Variants in MME observed in about 807,000 individuals in gnomAD.
MME encodes membrane metalloendopeptidase.
Under a neutral mutation model 113.2 loss-of-function variants are expected in MME, and 98 were observed. That is an observed-to-expected ratio of 0.87 (90% CI 0.74 to 1.02). MME has a LOEUF of 1.02. Ranked by LOEUF, MME falls within the 50% of genes least tolerant of loss-of-function variation. MME has a pLI of 0.00. For missense variants in MME, 836 were observed against 896.0 expected (o/e 0.93, Z 0.86); for synonymous variants, 292 against 300.6 (o/e 0.97, Z 0.30).
chr3:155,137,246 C>T (rs1186857342), intron 8 of MME, among the ~76,000 whole-genome samples: 1 of 152,066 alleles, frequency 6.6e-6, no homozygotes, highest in African/African-American at 2.4e-5. Context: ...TAACTAAAAC[C>T]TACAGGTGTG....
intron 3 of MME, among the ~76,000 whole-genome samples, chr3:155,086,121 C>T (rs1241565644): frequency 6.6e-6 from 1 of 152,050 alleles, no homozygotes. Flanking sequence ...CAGGTGGGGG[C>T]TGCTTCTGTA....
At chr3:155,127,287 G>T (rs1009093761) in intron 8 of MME, among the ~76,000 whole-genome samples, 1 of 152,070 alleles carries the variant, frequency 6.6e-6, no homozygotes, top group Non-Finnish European at 1.5e-5. Context: ...TCTGGGAGCC[G>T]GCTTTCTTTG....
At chr3:155,052,518 G>A (rs1713796430) in intron 1 of MME, among the ~76,000 whole-genome samples, 1 of 152,236 alleles carries the variant, frequency 6.6e-6, no homozygotes, top group South Asian at 2.1e-4. Flanking sequence ...AAGGCTTGGG[G>A]CTTACACCCT....
At chr3:155,085,151 T>A in intron 3 of MME, 57 bp downstream of exon 3, 1 of 1,108,672 alleles carries the variant, frequency 9.0e-7, no homozygotes, top group Non-Finnish European at 1.3e-6. Flanking sequence ...TATTTAAAAT[T>A]AAATGCTAAT....
chr3:155,031,574 A>G (rs1712972863), intron 1 of MME, among the ~76,000 whole-genome samples: 1 of 152,218 alleles, frequency 6.6e-6, no homozygotes, highest in African/African-American at 2.4e-5. Flanking sequence ...AATGTCTTTT[A>G]GAAGCTTCTA....
intron 20 of MME, among the ~76,000 whole-genome samples, chr3:155,171,764 C>A (rs1482412418): frequency 6.6e-6 from 1 of 152,130 alleles, no homozygotes; most frequent in South Asian, 2.1e-4. Flanking sequence ...ACTTCCTTGG[C>A]AATTCATTTG....
At chr3:155,091,761 A>G (rs778530896) in intron 3 of MME, among the ~76,000 whole-genome samples, 3 of 152,218 alleles carry the variant, frequency 2.0e-5, no homozygotes, top group Admixed American at 6.5e-5. Flanking sequence ...TTAAAAAACC[A>G]TAAGGAGAAT....
At chr3:155,109,246 G>A (rs755153620) in intron 3 of MME, among the ~76,000 whole-genome samples, 1 of 152,148 alleles carries the variant, frequency 6.6e-6, no homozygotes, top group Non-Finnish European at 1.5e-5. Flanking sequence ...TTTACCTATA[G>A]GCACAAGAGC....
intron 1 of MME, among the ~76,000 whole-genome samples, chr3:155,054,833 C>CAAACA (rs1405052376): frequency 6.6e-6 from 1 of 152,086 alleles, no homozygotes; most frequent in Non-Finnish European, 1.5e-5. Flanking sequence ...CCAAAACAAG[C>CAAACA]AAACAAAACA....
chr3:155,144,408 A>T lies in MME; in HGVS notation c.1367A>T (p.Asp456Val). The T allele has an allele frequency of 6.2e-7, 1 of 1,613,324 alleles. No homozygotes were observed. Residue 456 changes from aspartate to valine, a missense_variant, in exon 14 of 23, where the codon GAT (aspartate) becomes GTT (valine). Transcript: ENST00000360490. ...CGAGAAGTTTTTATTCAGACTTTAG[A>T]TGACCTCACTTGGATGGATGCCGAG... is the stretch of plus-strand genomic sequence containing the variant. The part of the protein sequence containing the change: ...QIREVFIQTL[D>V]DLTWMDAETK...
At chr3:155,045,238 T>C (rs574988998) in intron 1 of MME, among the ~76,000 whole-genome samples, 27 of 151,958 alleles carry the variant, frequency 1.8e-4, no homozygotes, top group African/African-American at 6.5e-4. Flanking sequence ...GCAATCTCTG[T>C]CTCCTGGGTT....
intron 3 of MME, among the ~76,000 whole-genome samples, chr3:155,093,595 C>G (rs762101840): frequency 6.6e-6 from 1 of 152,098 alleles, no homozygotes; most frequent in Non-Finnish European, 1.5e-5. Context: ...TTTTGGCTCA[C>G]GTCTATAATC....
chr3:155,050,830 TTTAA>T (rs140967621), intron 1 of MME, among the ~76,000 whole-genome samples: 8,040 of 152,230 alleles, frequency 0.053, 609 homozygotes, highest in African/African-American at 0.17. Flanking sequence ...AGCTCTTTAG[TTTAA>T]TTCAATCCCA....
At chr3:155,153,341 T>A (rs972408355) in intron 16 of MME, among the ~76,000 whole-genome samples, 20 of 152,192 alleles carry the variant, frequency 1.3e-4, no homozygotes, top group African/African-American at 3.9e-4. Flanking sequence ...ATGCCTAGTA[T>A]GTGTTTCCAA....
chr3:155,083,996 A>G (rs1715412715), intron 1 of MME, 162 bp from the exon 2 acceptor site: 1 of 642,690 alleles, frequency 1.6e-6, no homozygotes, highest in Non-Finnish European at 2.7e-6. Context: ...TTGGCTCTAT[A>G]TACTTTGCAT....
intron 3 of MME, among the ~76,000 whole-genome samples, chr3:155,104,523 C>A (rs1314774898): frequency 6.6e-6 from 1 of 152,168 alleles, no homozygotes; most frequent in African/African-American, 2.4e-5. Flanking sequence ...TCTTTTTGTA[C>A]CACTCCCTAA....
intron 1 of MME, among the ~76,000 whole-genome samples, chr3:155,046,410 G>A (rs768291579): frequency 7.9e-5 from 12 of 152,238 alleles, no homozygotes; most frequent in East Asian, 1.9e-4. Context: ...ATTGCTGGCC[G>A]GGAGTGATGG....
At chr3:155,104,197 A>G (rs1235286398) in intron 3 of MME, among the ~76,000 whole-genome samples, 2 of 152,170 alleles carry the variant, frequency 1.3e-5, no homozygotes, top group Admixed American at 6.5e-5. Flanking sequence ...AGTGTCGGGT[A>G]TATAGAGGCC....
At chr3:155,031,340 A>G (rs1353951238) in intron 1 of MME, among the ~76,000 whole-genome samples, 1 of 152,124 alleles carries the variant, frequency 6.6e-6, no homozygotes, top group Non-Finnish European at 1.5e-5. Context: ...GTCCAAATTT[A>G]AATACATTTT....
Sources: gnomAD v4.1 joint callset for allele counts (sites outside exome capture counted in the v4.1 genomes callset) on GRCh38, gnomAD v4.1.1 for gene constraint, MANE v1.5 for transcripts, NCBI Gene and HGNC (gene_info 2026-07-23, HGNC 2026-07-21) for gene names.